GIP: variants seen among roughly 807,000 people sequenced by gnomAD.
GIP encodes the protein glucose-dependent insulinotropic polypeptide.
In GIP, 16 loss-of-function variants were observed where a neutral mutation model predicts 18.1. The ratio of observed to expected loss-of-function variants is 0.88; its 90% CI spans 0.60 to 1.34. The LOEUF (loss-of-function observed/expected upper bound fraction) is 1.34. GIP is among the 40% of genes most tolerant of loss of function. GIP has a pLI of 0.00. For missense variants in GIP, 192 were observed against 183.4 expected (o/e 1.05, Z -0.27); for synonymous variants, 76 against 74.0 (o/e 1.03, Z -0.14).
chr17:48,964,814 A>G (rs2041225799), intron 2 of GIP, among the ~76,000 whole-genome samples: 1 of 152,082 alleles, frequency 6.6e-6, no homozygotes, highest in Non-Finnish European at 1.5e-5. Flanking sequence ...ACCAACATGG[A>G]GAAATCCCGT....
intron 5 of GIP, among the ~76,000 whole-genome samples, chr17:48,959,204 A>G (rs1321631087): frequency 1.3e-5 from 2 of 152,130 alleles, no homozygotes; most frequent in East Asian, 3.8e-4. Context: ...CCCAAGCTGG[A>G]GTGCAGTGAC....
chr17:48,960,860 C>A (rs757239181), intron 5 of GIP, 26 bp downstream of exon 5: 5 of 1,392,780 alleles, frequency 3.6e-6, no homozygotes, highest in East Asian at 4.7e-5. Context: ...AAGTTAGAAC[C>A]GCTGTGCAAC....
chr17:48,965,477 C>T (rs529351561), intron 2 of GIP, among the ~76,000 whole-genome samples: 155 of 147,688 alleles, frequency 1.0e-3, no homozygotes, highest in African/African-American at 3.8e-3. Context: ...TGGTGGCAGG[C>T]GCCTGTAGTC....
rs78055415 is a variant in GIP, at chr17:48,965,604, C to A, written c.87-1124G>T. On this transcript the variant is annotated intron_variant, in intron 2 of 5. Coordinates refer to ENST00000357424, the MANE Select transcript of GIP (RefSeq NM_004123.3). ...TAGGTGACAAAGGGAGACTCCATCT[C>A]AAAAAAAAAAAAAAAAAAAGGGATC... 6.2e-3 allele frequency among the ~76,000 whole-genome samples: 524 copies of A among 84,200 alleles called. 7 individuals are homozygous for A. Among genetic ancestry groups the A allele is most frequent in the African/African-American group, 0.013 (271 of 20,562 alleles). 55.2% of individuals were successfully genotyped at this position (84,200 alleles called of 152,430 possible). A position where few individuals can be genotyped will look rare whatever the true frequency, so the allele number is the denominator to read the frequency against.
At chr17:48,964,771 G>C (rs918961333) in intron 2 of GIP, among the ~76,000 whole-genome samples, 1 of 152,100 alleles carries the variant, frequency 6.6e-6, no homozygotes, top group Non-Finnish European at 1.5e-5. Context: ...CAAGGCAGGC[G>C]GATCACCTGA....
chr17:48,967,316 G>T, intron 1 of GIP, 63 bp from the exon 2 acceptor site: 1 of 1,054,632 alleles, frequency 9.5e-7, no homozygotes, highest in Non-Finnish European at 1.5e-6. Flanking sequence ...GAAAGCTGGA[G>T]AGGGGCAAAG....
At position 48,965,138 on chromosome 17, in the gene GIP, C is replaced by CAAAAAAAAAAAAAAAAAAAA. The variant is rs33956589; in HGVS notation, c.87-659_87-658insTTTTTTTTTTTTTTTTTTTT. ...TGGGAGACAGAGCGAGACTCCGTCT[C>CAAAAAAAAAAAAAAAAAAAA]AAAAAAAAAAAAATTAGCCAGGCGT... On this transcript the variant is annotated intron_variant, in intron 2 of 5. Transcript: ENST00000357424. Among the ~76,000 whole-genome samples the CAAAAAAAAAAAAAAAAAAAA allele has an allele frequency of 1.3e-3, 140 of 109,584 alleles. 45 individuals are homozygous for CAAAAAAAAAAAAAAAAAAAA. The highest frequency in any genetic ancestry group is 4.8e-3 in the African/African-American group (102 of 21,112). The allele number at this position is 109,584 out of a possible 152,430, so 71.9% of individuals were successfully genotyped here.
At chr17:48,958,894 G>C (rs566812786) in intron 5 of GIP, among the ~76,000 whole-genome samples, 178 bp from the exon 6 acceptor site, 1 of 145,706 alleles carries the variant, frequency 6.9e-6, no homozygotes. Context: ...TCGCTCTGTC[G>C]CCCAGGCTGG....
chr17:48,961,744 C>T lies in GIP; in HGVS notation c.333G>A (p.Glu111=). 1 of 1,608,376 alleles carries T rather than the reference C, an allele frequency of 6.2e-7. No individual in the cohort carries two copies. The highest frequency in any genetic ancestry group is 8.5e-7 in the Non-Finnish European group (1 of 1,176,094). The part of the protein sequence containing the change: ...LASQANRKEE[E]AVEPQSSPAK... ...TGACTCACCTCTGTGGCTCCACTGC[C>T]TCCTCCTCCTTCCTATTAGCTTGAC... Residue 111 remains glutamate, a synonymous_variant, in exon 4 of 6, where the codon GAG becomes GAA. Transcript: ENST00000357424.
chr17:48,961,027 G>C (rs1394363730), intron 4 of GIP, 40 bp from the exon 5 acceptor site: 2 of 1,450,844 alleles, frequency 1.4e-6, no homozygotes, highest in Admixed American at 2.0e-5. Flanking sequence ...TTTAGCCTGA[G>C]CTTCGCCCAG....
intron 2 of GIP, among the ~76,000 whole-genome samples, chr17:48,966,412 C>T (rs1335771174): frequency 2.0e-5 from 3 of 151,300 alleles, no homozygotes; most frequent in Non-Finnish European, 4.4e-5. Flanking sequence ...AAAAATTAGC[C>T]GGGTGTGGTG....
chr17:48,966,114 C>T lies in GIP; in HGVS notation c.86+1033G>A, dbSNP rs142247012. Reference sequence around the variant, plus strand: ...CTCTACTAAAAATACAAAAGTTAGCCGGGCGTGGTGGCAGGTGCCTGTAAT... The same window carrying T: ...CTCTACTAAAAATACAAAAGTTAGCTGGGCGTGGTGGCAGGTGCCTGTAAT... On this transcript the variant is annotated intron_variant, in intron 2 of 5. Transcript: ENST00000357424. Among the ~76,000 whole-genome samples, 1,307 of 151,976 alleles carry T rather than the reference C, an allele frequency of 8.6e-3. 21 individuals carry two copies. The highest frequency in any genetic ancestry group is 0.03 in the African/African-American group (1,243 of 41,422).
At chr17:48,961,541 G>T (rs2041200420) in intron 4 of GIP, among the ~76,000 whole-genome samples, 186 bp downstream of exon 4, 1 of 152,092 alleles carries the variant, frequency 6.6e-6, no homozygotes, top group Non-Finnish European at 1.5e-5. Context: ...TTTCTCCAAG[G>T]CTTCTTCCTT....
At chr17:48,964,626 C>T in intron 2 of GIP, 146 bp from the exon 3 acceptor site, 1 of 643,008 alleles carries the variant, frequency 1.6e-6, no homozygotes, top group Non-Finnish European at 2.7e-6. Flanking sequence ...TCCCCCACCC[C>T]ACCCCAGGCT....
intron 5 of GIP, among the ~76,000 whole-genome samples, chr17:48,959,667 TCTAA>T (rs2041189031): frequency 6.6e-6 from 1 of 152,214 alleles, no homozygotes; most frequent in Admixed American, 6.6e-5. Context: ...GAAACATGCC[TCTAA>T]CTATGTAGTT....
chr17:48,958,610 C>A lies in GIP; in HGVS notation c.*97G>T, dbSNP rs2041181364. On this transcript the variant is annotated 3_prime_UTR_variant, in exon 6 of 6. Transcript: ENST00000357424. ...CACAATGGGCTCGACTTAGCATAAA[C>A]TTTATTGGTTTGGGTTCTCTTGGCT... 7.2e-6 allele frequency: 7 copies of A among 970,708 alleles called. No individual in the cohort carries two copies. In the South Asian group the frequency reaches 9.8e-5, roughly 14 times the overall value. The allele number at this position is 970,708 out of a possible 1,614,324, so 60.1% of individuals were successfully genotyped here. A position where few individuals can be genotyped will look rare whatever the true frequency, so the allele number is the denominator to read the frequency against.
intron 2 of GIP, among the ~76,000 whole-genome samples, chr17:48,966,908 A>G (rs1345219616): frequency 2.0e-5 from 3 of 152,172 alleles, no homozygotes; most frequent in Non-Finnish European, 4.4e-5. Context: ...ACAATTAACC[A>G]CCAGGAAGTC....
rs145479434 is a variant in GIP at position 48,965,583 on chromosome 17, T to C, written c.87-1103A>G. Among the ~76,000 whole-genome samples, 865 of 106,508 alleles carry C rather than the reference T, an allele frequency of 8.1e-3. 6 individuals are homozygous for C. The highest frequency in any genetic ancestry group is 0.031 in the African/African-American group (816 of 26,668). 69.9% of individuals were successfully genotyped at this position (106,508 alleles called of 152,430 possible). ...TCGCGCCACTGCACTCCAGCCTAGG[T>C]GACAAAGGGAGACTCCATCTCAAAA... On this transcript the variant is annotated intron_variant, in intron 2 of 5. Transcript: ENST00000357424.
intron 3 of GIP, among the ~76,000 whole-genome samples, chr17:48,963,418 A>G (rs2143848953): frequency 6.6e-6 from 1 of 151,442 alleles, no homozygotes; most frequent in Non-Finnish European, 1.5e-5. Flanking sequence ...GCACTTTGGG[A>G]GGCTGAGGTG....
Sources: allele counts gnomAD v4.1 joint callset (sites outside exome capture counted in the v4.1 genomes callset), GRCh38; gene constraint gnomAD v4.1.1; transcripts MANE v1.5; gene names NCBI Gene and HGNC (gene_info 2026-07-23, HGNC 2026-07-21).